The following ATPAF1 variants were observed in gnomAD, a reference collection of about 807,000 sequenced individuals.
The protein encoded by ATPAF1 is homolog of yeast ATP11.
Under a neutral mutation model 43.9 loss-of-function variants are expected in ATPAF1, and 26 were observed. The ratio of observed to expected loss-of-function variants is 0.59; its 90% CI spans 0.43 to 0.82. ATPAF1 has a LOEUF of 0.82. Among genes scored for constraint, ATPAF1 ranks in the 40% least tolerant of loss-of-function variants. The probability of loss-of-function intolerance (pLI) is 0.00; values close to 1 mark genes in which losing one functional copy is unlikely to be tolerated. For missense variants in ATPAF1, 366 were observed against 435.0 expected (o/e 0.84, Z 1.41); for synonymous variants, 157 against 168.0 (o/e 0.93, Z 0.50).
chr1:46,640,439 G>A (rs1278267683), intron 8 of ATPAF1, among the ~76,000 whole-genome samples: 1 of 151,994 alleles, frequency 6.6e-6, no homozygotes, highest in African/African-American at 2.4e-5. Flanking sequence ...GTGAAACCTC[G>A]TCTCTACTAA....
chr1:46,663,720 T>G (rs759508690), intron 2 of ATPAF1: 77 of 398,720 alleles, frequency 1.9e-4, no homozygotes, highest in Non-Finnish European at 2.7e-4. Flanking sequence ...ACTCAGCAGA[T>G]TCACTTAAAA....
chr1:46,645,831 T>G (rs1474512449), intron 6 of ATPAF1, among the ~76,000 whole-genome samples: 1 of 152,226 alleles, frequency 6.6e-6, no homozygotes, highest in Non-Finnish European at 1.5e-5. Context: ...ATCCTCCTTT[T>G]TCATATTTTA....
chr1:46,645,634 A>G (rs76353074), intron 6 of ATPAF1, among the ~76,000 whole-genome samples: 7,777 of 151,962 alleles, frequency 0.051, 283 homozygotes, highest in Middle Eastern at 0.11. Flanking sequence ...AAGTGATGGG[A>G]TTATAGGCAT....
intron 6 of ATPAF1, among the ~76,000 whole-genome samples, chr1:46,646,576 CAAA>C: frequency 6.6e-6 from 1 of 152,286 alleles, no homozygotes; most frequent in South Asian, 2.1e-4. Flanking sequence ...ACATTAGTCA[CAAA>C]TTATCTTCTT....
intron 4 of ATPAF1, among the ~76,000 whole-genome samples, chr1:46,656,660 A>C (rs866146933): frequency 1.3e-5 from 2 of 152,340 alleles, no homozygotes; most frequent in South Asian, 4.1e-4. Context: ...CATTTCAACA[A>C]ACACAAATTT....
At chr1:46,635,358 G>C in exon 9 of ATPAF1, 1 of 167,234 alleles carries the variant, frequency 6.0e-6, no homozygotes, top group Non-Finnish European at 1.3e-5. Context: ...AAGGATTAAA[G>C]CCCATATCTA....
rs1407647185 is a variant in ATPAF1 at position 46,653,960 on chromosome 1, A to G, written c.490-93T>C. ...GACAGTTTTCATTGCTCAGAGGAAT[A>G]TGCTATTTGATAACAGAGAGGAAAA... On this transcript the variant is annotated intron_variant, in intron 4 of 8. Coordinates refer to ENST00000574428, the Ensembl canonical transcript of ATPAF1. The surrounding 1 kb of genome is among the most constrained non-coding windows in gnomAD (Gnocchi z 4.8). 2.6e-6 allele frequency: 3 copies of G among 1,173,442 alleles called. No individual in the cohort carries two copies. Among genetic ancestry groups the G allele is most frequent in the Admixed American group, 2.0e-5 (1 of 50,458 alleles). The allele number at this position is 1,173,442 out of a possible 1,614,324, so 72.7% of individuals were successfully genotyped here. A position where few individuals can be genotyped will look rare whatever the true frequency, so the allele number is the denominator to read the frequency against.
Position 46,668,215 on chromosome 1 carries a change from C to G in ATPAF1, c.108G>C (p.Leu36=). The G allele has an allele frequency of 5.8e-6, 8 of 1,378,534 alleles. No homozygotes were observed. The highest frequency in any genetic ancestry group is 7.5e-6 in the Non-Finnish European group (8 of 1,065,544). 85.4% of individuals were successfully genotyped at this position (1,378,534 alleles called of 1,614,324 possible). A position where few individuals can be genotyped will look rare whatever the true frequency, so the allele number is the denominator to read the frequency against. ...GCAGCTGCGCGGGTGACACGAGCCC[C>G]AGGCCCAGGGCGCGGCTGCGCACCG... The change falls in exon 1 of 9, where the codon CTG becomes CTC. Residue 36 remains leucine (L), a synonymous_variant. Coordinates refer to ENST00000574428, the Ensembl canonical transcript of ATPAF1. The surrounding 1 kb of genome is among the most constrained non-coding windows in gnomAD (Gnocchi z 4.4).
chr1:46,645,096 A>G (rs200087766), intron 7 of ATPAF1, 65 bp downstream of exon 7: 1 of 1,221,572 alleles, frequency 8.2e-7, no homozygotes, highest in Non-Finnish European at 1.2e-6. Flanking sequence ...GAGCCTCAGC[A>G]AGGGTTTCTA....
At position 46,652,569 on chromosome 1, in the gene ATPAF1, C is replaced by A; in HGVS notation, c.588+12G>T. The stretch of plus-strand genomic sequence containing the variant: ...TTGATAAGCAACCCTTACGTGATCA[C>A]CAGAAACTTACTGTTGGACAGGACT... On this transcript the variant is annotated intron_variant, in intron 6 of 8. Coordinates refer to ENST00000574428, the Ensembl canonical transcript of ATPAF1. 6.2e-6 allele frequency: 10 copies of A among 1,612,342 alleles called. No homozygotes were observed. The highest frequency in any genetic ancestry group is 5.9e-6 in the Non-Finnish European group (7 of 1,178,716).
In ATPAF1 at chr1:46,665,779, G is replaced by C. The variant is rs1016618129; in HGVS notation, c.267-415C>G. 2.7e-6 allele frequency: 4 copies of C among 1,493,746 alleles called. No homozygotes were observed. The African/African-American group carries it at 5.6e-5, about 21-fold the overall frequency. The allele number at this position is 1,493,746 out of a possible 1,614,324, so 92.5% of individuals were successfully genotyped here. On this transcript the variant is annotated intron_variant, in intron 1 of 8. Transcript: ENST00000574428. ...TCTTGAAAATATGTCCCCCCAACCA[G>C]GTTAAACATCTGCTTTATTCAGATC...
At chr1:46,655,191 G>T (rs529292809) in intron 4 of ATPAF1, among the ~76,000 whole-genome samples, 1 of 152,184 alleles carries the variant, frequency 6.6e-6, no homozygotes, top group South Asian at 2.1e-4. Flanking sequence ...TCCCTCCCAT[G>T]ATGTGTGGGG....
At chr1:46,633,684 A>G, downstream of ATPAF1, 3 of 455,806 alleles carry the variant, frequency 6.6e-6, no homozygotes, top group South Asian at 3.1e-5. Flanking sequence ...CCATGGACAC[A>G]TCCTACTTGG....
At chr1:46,637,721 C>T (rs1675868701) in intron 8 of ATPAF1, among the ~76,000 whole-genome samples, 1 of 152,190 alleles carries the variant, frequency 6.6e-6, no homozygotes, top group Admixed American at 6.5e-5. Context: ...ATCTCTGAGA[C>T]TGCATCTTCA....
Position 46,653,963 on chromosome 1 carries a change from C to A in ATPAF1, c.490-96G>T. The A allele has an allele frequency of 1.7e-6, 2 of 1,158,484 alleles. No homozygotes were observed. The highest frequency in any genetic ancestry group is 1.4e-5 in the South Asian group (1 of 72,310). 71.8% of individuals were successfully genotyped at this position (1,158,484 alleles called of 1,614,324 possible). On this transcript the variant is annotated intron_variant, in intron 4 of 8. Transcript: ENST00000574428. This position sits in a 1 kb window ranked among gnomAD's most constrained non-coding sequence, Gnocchi z 4.8. ...AGTTTTCATTGCTCAGAGGAATATG[C>A]TATTTGATAACAGAGAGGAAAAACC...
intron 2 of ATPAF1, chr1:46,663,860 C>G (rs984879321): frequency 8.0e-7 from 1 of 1,253,354 alleles, no homozygotes; most frequent in African/African-American, 1.5e-5. Flanking sequence ...CAGCCCACAC[C>G]TGGATTACTC....
intron 8 of ATPAF1, among the ~76,000 whole-genome samples, chr1:46,639,277 C>G (rs1316202665): frequency 6.6e-6 from 1 of 151,922 alleles, no homozygotes; most frequent in Non-Finnish European, 1.5e-5. Flanking sequence ...CTTTACAATA[C>G]TCCAAGTCAT....
chr1:46,655,271 C>A lies in ATPAF1; in HGVS notation c.490-1404G>T, dbSNP rs186258775. 5.3e-5 allele frequency among the ~76,000 whole-genome samples: 8 copies of A among 152,086 alleles called. No homozygotes were observed. The East Asian group carries it at 1.5e-3, about 29-fold the overall frequency. On this transcript the variant is annotated intron_variant, in intron 4 of 8. Transcript: ENST00000574428. Reference sequence around the variant, plus strand: ...GCAAAACCATATTAGATATTATTGGCATGTTATAGGCAGCTCTTAAAATCC... The same window carrying A: ...GCAAAACCATATTAGATATTATTGGAATGTTATAGGCAGCTCTTAAAATCC...
chr1:46,662,888 C>T (rs189742979), intron 2 of ATPAF1, among the ~76,000 whole-genome samples: 6 of 152,178 alleles, frequency 3.9e-5, no homozygotes, highest in East Asian at 1.9e-4. Context: ...CCCATTAACT[C>T]GTCATTTAAC....
Sources: allele counts gnomAD v4.1 joint callset (sites outside exome capture counted in the v4.1 genomes callset), GRCh38; gene constraint gnomAD v4.1.1; non-coding constraint Gnocchi (gnomAD v3.1); transcripts MANE v1.5; gene names NCBI Gene and HGNC (gene_info 2026-07-23, HGNC 2026-07-21).